SV2C: variants seen among roughly 807,000 people sequenced by gnomAD.
SV2C encodes the protein solute carrier family 22 member B3.
Under a neutral mutation model 79.7 loss-of-function variants are expected in SV2C, and 49 were observed. That is an observed-to-expected ratio of 0.61 (90% CI 0.49 to 0.78). SV2C has a LOEUF of 0.78. Among genes scored for constraint, SV2C ranks in the 30% least tolerant of loss-of-function variants. The pLI is 0.00. For missense variants in SV2C, 833 were observed against 912.9 expected (o/e 0.91, Z 1.13); for synonymous variants, 334 against 333.2 (o/e 1.00, Z -0.03).
At chr5:76,139,338 C>T (rs1260167091) in intron 2 of SV2C, among the ~76,000 whole-genome samples, 5 of 152,038 alleles carry the variant, frequency 3.3e-5, no homozygotes, top group Admixed American at 1.3e-4. Flanking sequence ...TGTGAAGACA[C>T]GAATGCTGTA....
At chr5:76,292,698 T>C (rs528883024) in intron 8 of SV2C, among the ~76,000 whole-genome samples, 59 of 152,326 alleles carry the variant, frequency 3.9e-4, no homozygotes, top group African/African-American at 1.4e-3. Context: ...CTGATGTATA[T>C]TCCTGGCATG....
At chr5:75,896,276 A>G in the SV2C span, among the ~76,000 whole-genome samples, 2 of 134,266 alleles carry the variant, frequency 1.5e-5, no homozygotes, top group Non-Finnish European at 3.0e-5. Flanking sequence ...ATATGTTCTC[A>G]TTGTTCAATT....
the SV2C span, among the ~76,000 whole-genome samples, chr5:75,997,859 A>G: frequency 0.47 from 71,248 of 151,820 alleles, 17,453 homozygotes; most frequent in Middle Eastern, 0.64. Context: ...CCAAAGGATT[A>G]TAAATCATGC....
the SV2C span, among the ~76,000 whole-genome samples, chr5:75,917,179 G>T: frequency 6.6e-6 from 1 of 152,250 alleles, no homozygotes; most frequent in East Asian, 1.9e-4. Context: ...CTGCTTCTAG[G>T]AGAATCCAAA....
At chr5:75,993,873 C>T in the SV2C span, among the ~76,000 whole-genome samples, 102 of 152,192 alleles carry the variant, frequency 6.7e-4, no homozygotes, top group African/African-American at 1.9e-3. Context: ...TGGGTTCAGG[C>T]ACATCTTTCC....
intron 1 of SV2C, among the ~76,000 whole-genome samples, chr5:76,086,027 G>C (rs1747184660): frequency 6.6e-6 from 1 of 152,078 alleles, no homozygotes; most frequent in African/African-American, 2.4e-5. Context: ...AGAAGCTCTG[G>C]ATCACATCTG....
chr5:76,126,679 TC>T (rs1478874014), intron 1 of SV2C, among the ~76,000 whole-genome samples: 8 of 152,162 alleles, frequency 5.3e-5, no homozygotes, highest in African/African-American at 1.9e-4. Flanking sequence ...CTCTGCCCAA[TC>T]CCAGCACACT....
the SV2C span, among the ~76,000 whole-genome samples, chr5:76,002,027 C>G: frequency 1.3e-5 from 2 of 152,194 alleles, no homozygotes; most frequent in African/African-American, 2.4e-5. Context: ...TTAGCCCCCA[C>G]TTATAAGTGA....
chr5:76,133,880 A>G (rs1387861485), intron 2 of SV2C, among the ~76,000 whole-genome samples: 1 of 152,222 alleles, frequency 6.6e-6, no homozygotes, highest in African/African-American at 2.4e-5. Context: ...ATGTCAGCAG[A>G]ATGTGTAAAG....
intron 12 of SV2C, among the ~76,000 whole-genome samples, chr5:76,313,860 A>C (rs912390729): frequency 6.6e-6 from 1 of 152,168 alleles, no homozygotes; most frequent in Non-Finnish European, 1.5e-5. Flanking sequence ...TGAAAAAATC[A>C]TCTCCGTGGT....
chr5:75,927,675 A>C, the SV2C span, among the ~76,000 whole-genome samples: 12 of 152,044 alleles, frequency 7.9e-5, no homozygotes, highest in Middle Eastern at 3.4e-3. Context: ...ATAACAACAA[A>C]CCCCCCAAAC....
At chr5:76,321,585 A>G (rs1238257827) in intron 12 of SV2C, among the ~76,000 whole-genome samples, 2 of 151,972 alleles carry the variant, frequency 1.3e-5, no homozygotes, top group Admixed American at 6.6e-5. Flanking sequence ...ACAAAAAAAT[A>G]CAATAATTAG....
At chr5:76,021,845 A>G in the SV2C span, among the ~76,000 whole-genome samples, 1 of 152,160 alleles carries the variant, frequency 6.6e-6, no homozygotes, top group Non-Finnish European at 1.5e-5. Context: ...TTGAGTCACT[A>G]TGGAAGCTTT....
the SV2C span, among the ~76,000 whole-genome samples, chr5:76,030,970 G>T: frequency 1.3e-4 from 20 of 151,948 alleles, no homozygotes; most frequent in Admixed American, 3.3e-4. Flanking sequence ...TTCTGTTCTC[G>T]AAATCAACTA....
At chr5:76,076,043 A>G in the SV2C span, 1 of 152,992 alleles carries the variant, frequency 6.5e-6, no homozygotes, top group Middle Eastern at 3.4e-3. Flanking sequence ...TAATGCATCT[A>G]TGTAGGAGTT....
chr5:76,248,210 G>A (rs68096349), intron 4 of SV2C, among the ~76,000 whole-genome samples: 5,455 of 152,294 alleles, frequency 0.036, 136 homozygotes, highest in Middle Eastern at 0.12. Flanking sequence ...AGTTTGCTAG[G>A]GCTGCCATAA....
At chr5:75,968,660 G>A in the SV2C span, among the ~76,000 whole-genome samples, 461 of 152,322 alleles carry the variant, frequency 3.0e-3, 11 homozygotes, top group Admixed American at 0.019. Context: ...AAGCCTCCAA[G>A]AAATATGGGA....
At chr5:76,211,600 G>A (rs2112358167) in intron 4 of SV2C, among the ~76,000 whole-genome samples, 1 of 152,066 alleles carries the variant, frequency 6.6e-6, no homozygotes, top group South Asian at 2.1e-4. Context: ...CTCACTCTCT[G>A]CTCTAATCTA....
the SV2C span, among the ~76,000 whole-genome samples, chr5:75,945,323 C>T: frequency 4.6e-5 from 7 of 150,602 alleles, no homozygotes; most frequent in African/African-American, 1.7e-4. Context: ...TTTTCTCTCT[C>T]TCTTTTTTTT....
Sources: gnomAD v4.1 joint callset for allele counts (sites outside exome capture counted in the v4.1 genomes callset) on GRCh38, gnomAD v4.1.1 for gene constraint, MANE v1.5 for transcripts, NCBI Gene and HGNC (gene_info 2026-07-23, HGNC 2026-07-21) for gene names.